Variants in CCDC178 observed in about 807,000 individuals in gnomAD.
CCDC178 encodes the protein coiled-coil domain containing 178.
CCDC178 carries 126 observed loss-of-function variants against 117.4 expected under a neutral mutation model. The ratio of observed to expected loss-of-function variants is 1.07; its 90% confidence interval spans 0.93 to 1.24. CCDC178 has a LOEUF of 1.24. CCDC178 is among the 50% of genes most tolerant of loss of function. CCDC178 has a pLI of 0.00. For synonymous variants in CCDC178, 283 were observed against 313.4 expected (o/e 0.90, Z 1.02); for missense variants, 1,030 against 986.9 (o/e 1.04, Z -0.59).
chr18:33,101,784 C>A (rs1174557877), intron 20 of CCDC178, among the ~76,000 whole-genome samples: 1 of 151,780 alleles, frequency 6.6e-6, no homozygotes, highest in Non-Finnish European at 1.5e-5. Context: ...CTAAGGGGTT[C>A]CAGAACACAT....
At chr18:33,065,484 G>A (rs1414689706) in intron 21 of CCDC178, among the ~76,000 whole-genome samples, 4 of 152,196 alleles carry the variant, frequency 2.6e-5, no homozygotes, top group Middle Eastern at 3.4e-3. Context: ...AGAAGGAGAC[G>A]AGATGGATAA....
chr18:33,056,311 G>A (rs902030861), intron 21 of CCDC178, among the ~76,000 whole-genome samples: 21 of 152,176 alleles, frequency 1.4e-4, no homozygotes, highest in South Asian at 4.1e-4. Context: ...CAGGAAAGAT[G>A]TCAAGTTAAA....
chr18:33,199,144 G>A (rs2058965242), intron 20 of CCDC178, among the ~76,000 whole-genome samples: 1 of 149,850 alleles, frequency 6.7e-6, no homozygotes, highest in Non-Finnish European at 1.5e-5. Context: ...ATTAAACCTG[G>A]GTCTGAATTA....
chr18:33,287,906 A>G (rs2060119107), intron 12 of CCDC178, among the ~76,000 whole-genome samples: 1 of 152,222 alleles, frequency 6.6e-6, no homozygotes, highest in East Asian at 1.9e-4. Flanking sequence ...TTACTCAATA[A>G]TTGTTCCCTT....
intron 9 of CCDC178, among the ~76,000 whole-genome samples, chr18:33,344,455 A>G (rs2062859986): frequency 6.6e-6 from 1 of 152,188 alleles, no homozygotes; most frequent in African/African-American, 2.4e-5. Context: ...TAACCCAACA[A>G]TAAGTTGTCA....
intron 20 of CCDC178, among the ~76,000 whole-genome samples, chr18:33,181,243 A>G (rs2058729779): frequency 6.6e-6 from 1 of 151,976 alleles, no homozygotes; most frequent in African/African-American, 2.4e-5. Context: ...TGAATCTGCT[A>G]TTTGTCATAA....
intron 5 of CCDC178, among the ~76,000 whole-genome samples, chr18:33,381,825 T>G (rs967210128): frequency 1.3e-5 from 2 of 152,172 alleles, no homozygotes; most frequent in African/African-American, 4.8e-5. Flanking sequence ...TTGTAAAAAT[T>G]GTTGTATACA....
At chr18:33,073,382 C>T (rs2057143047) in intron 21 of CCDC178, among the ~76,000 whole-genome samples, 1 of 151,964 alleles carries the variant, frequency 6.6e-6, no homozygotes, top group African/African-American at 2.4e-5. Flanking sequence ...TTATATCATT[C>T]ATTTAAAAGG....
chr18:33,290,514 T>G (rs2060153343), intron 12 of CCDC178, among the ~76,000 whole-genome samples: 1 of 152,090 alleles, frequency 6.6e-6, no homozygotes, highest in Non-Finnish European at 1.5e-5. Flanking sequence ...GAAGTCCCTA[T>G]CATACAGATT....
chr18:33,148,529 G>C (rs537800591), intron 20 of CCDC178, among the ~76,000 whole-genome samples: 3 of 151,960 alleles, frequency 2.0e-5, no homozygotes, highest in Admixed American at 2.0e-4. Context: ...CATTCTGAAG[G>C]CTTGGGGAAT....
At chr18:33,243,495 C>G (rs111888679) in intron 15 of CCDC178, among the ~76,000 whole-genome samples, 3 of 151,808 alleles carry the variant, frequency 2.0e-5, no homozygotes, top group African/African-American at 4.8e-5. Flanking sequence ...GGCAATATCA[C>G]TATGTACCCA....
chr18:33,343,531 C>G (rs1311565495), intron 9 of CCDC178, among the ~76,000 whole-genome samples: 2 of 152,236 alleles, frequency 1.3e-5, no homozygotes, highest in Non-Finnish European at 2.9e-5. Context: ...AATTCCCCTG[C>G]CTCACCCATC....
chr18:33,224,280 A>T (rs2059274309), intron 17 of CCDC178, among the ~76,000 whole-genome samples: 1 of 152,140 alleles, frequency 6.6e-6, no homozygotes. Context: ...TTTTCGACTA[A>T]ATTTTTCTTT....
intron 21 of CCDC178, among the ~76,000 whole-genome samples, chr18:33,088,309 T>C (rs907620483): frequency 2.0e-5 from 3 of 150,020 alleles, no homozygotes; most frequent in African/African-American, 5.0e-5. Context: ...TTAGAATTGA[T>C]TGATATTCAC....
intron 14 of CCDC178, among the ~76,000 whole-genome samples, chr18:33,266,641 TG>T (rs2059819191): frequency 2.0e-5 from 1 of 49,314 alleles, no homozygotes; most frequent in Non-Finnish European, 3.8e-5. Flanking sequence ...GGGACTGTTG[TG>T]GGGTAGGGGG....
chr18:33,251,701 G>A (rs545798697), intron 14 of CCDC178, among the ~76,000 whole-genome samples: 7 of 151,628 alleles, frequency 4.6e-5, no homozygotes, highest in Admixed American at 1.3e-4. Flanking sequence ...CTCTCAAGTG[G>A]TATTCAAGTA....
At chr18:33,048,929 T>C (rs2056694399) in intron 21 of CCDC178, among the ~76,000 whole-genome samples, 1 of 152,142 alleles carries the variant, frequency 6.6e-6, no homozygotes, top group Non-Finnish European at 1.5e-5. Context: ...TGTCTCCCAC[T>C]CCATCCCTAT....
At chr18:33,437,807 C>T (rs2064312104) in intron 2 of CCDC178, 2 of 151,998 alleles carry the variant, frequency 1.3e-5, no homozygotes, top group African/African-American at 2.4e-5. Flanking sequence ...AACAATACTT[C>T]GCAGTGTTAT....
intron 21 of CCDC178, among the ~76,000 whole-genome samples, chr18:32,979,023 T>G: frequency 7.2e-6 from 1 of 139,582 alleles, no homozygotes; most frequent in Non-Finnish European, 1.5e-5. Flanking sequence ...GGAGACAGAG[T>G]GAGAATCCGT....
Sources: allele counts gnomAD v4.1 joint callset (sites outside exome capture counted in the v4.1 genomes callset), GRCh38; gene constraint gnomAD v4.1.1; transcripts MANE v1.5; gene names NCBI Gene and HGNC (gene_info 2026-07-23, HGNC 2026-07-21).